The following KIF26A variants were observed in gnomAD, a reference collection of about 807,000 sequenced individuals.
The protein encoded by KIF26A is kinesin family member 26A, also known as kinesin-like protein KIF26A.
A neutral mutation model predicts 126.0 loss-of-function variants in KIF26A; 74 were observed. That is an observed-to-expected ratio of 0.59 (90% CI 0.49 to 0.71). KIF26A has a LOEUF of 0.71. Ranked by LOEUF, KIF26A falls within the 30% of genes least tolerant of loss-of-function variation. The pLI is 0.00. For synonymous variants in KIF26A, 1,445 were observed against 1,232.7 expected, an observed-to-expected ratio of 1.17 and a Z score of -3.61; for missense variants, 2,984 against 2,763.3, an observed-to-expected ratio of 1.08 and a Z score of -1.79.
Position 104,179,868 on chromosome 14 carries a change from G to A in KIF26A, c.*78G>A. 2 of 1,357,380 alleles carry A rather than the reference G, an allele frequency of 1.5e-6. No homozygotes were observed. Among genetic ancestry groups the A allele is most frequent in the Admixed American group, 2.6e-5 (1 of 39,042 alleles). 84.1% of individuals were successfully genotyped at this position (1,357,380 alleles called of 1,614,324 possible). On this transcript the variant is annotated 3_prime_UTR_variant, in exon 15 of 15. Coordinates refer to ENST00000423312, the MANE Select transcript of KIF26A (RefSeq NM_015656.2). ...GTGGGACGGAGCGAGGATGTGGTGG[G>A]GGCTGCGGGGGGAGGATGCGGAGGG...
rs1413131281 is a variant in KIF26A at position 104,173,729 on chromosome 14, C to T, written c.1891C>T (p.His631Tyr). The change falls in exon 10 of 15, where the codon CAC becomes TAC. Residue 631 changes from histidine (H) to tyrosine (Y), a missense_variant. Coordinates refer to ENST00000423312, the MANE Select transcript of KIF26A (RefSeq NM_015656.2). ...GGMSGGRSRL[H>Y]LIDLGSCEAA... is the part of the protein sequence containing the mutation. ...AGTGTCCGGAGGCCGCAGCCGCCTG[C>T]ACCTCATCGACCTGGGCAGCTGTGA... The T allele has an allele frequency of 3.1e-6, 5 of 1,611,350 alleles. No individual in the cohort carries two copies. Among genetic ancestry groups the T allele is most frequent in the South Asian group, 1.1e-5 (1 of 90,980 alleles).
At position 104,152,216 on chromosome 14, in the gene KIF26A, CCCAGCACCACGA is replaced by C. The variant is rs770701259; in HGVS notation, c.496_507del (p.Thr166_Ser169del). The stretch of plus-strand genomic sequence containing the variant: ...CCATGGAGGCCCCAGCCTCGCACCC[CCCAGCACCACGA>C]CCAGCTCGAGGGACACGCCAGGACC... On this transcript the variant is annotated inframe_deletion, in exon 3 of 15. Transcript: ENST00000423312. This position sits in a 1 kb window ranked among gnomAD's most constrained non-coding sequence, Gnocchi z 5.9. 3.7e-6 allele frequency: 6 copies of C among 1,601,676 alleles called. No homozygotes were observed. The South Asian group carries it at 4.5e-5, about 12-fold the overall frequency.
At chr14:104,147,458 A>C (rs1387428373) in intron 2 of KIF26A, among the ~76,000 whole-genome samples, 2 of 152,192 alleles carry the variant, frequency 1.3e-5, no homozygotes, top group African/African-American at 4.8e-5. Flanking sequence ...TCAGAGCTGC[A>C]GACCCACAGG....
At chr14:104,166,679 C>G (rs1267236929) in intron 4 of KIF26A, among the ~76,000 whole-genome samples, 180 bp from the exon 5 acceptor site, 1 of 152,148 alleles carries the variant, frequency 6.6e-6, no homozygotes, top group African/African-American at 2.4e-5. Flanking sequence ...CATGGAGGCC[C>G]CAGCCTGAAC....
In KIF26A at chr14:104,176,820, G is replaced by T; in HGVS notation, c.4032G>T (p.Lys1344Asn). 6.4e-7 allele frequency: 1 copy of T among 1,556,370 alleles called. No individual in the cohort carries two copies. ...TGAAGGCCTCCCCCACCAGCAAGAAGGGTCTGGCTCCCAAGGCGGGCTTCC... is the reference window on the plus strand; with the variant it reads ...TGAAGGCCTCCCCCACCAGCAAGAATGGTCTGGCTCCCAAGGCGGGCTTCC... The part of the protein sequence containing the change: ...GSLKASPTSK[K>N]GLAPKAGFLP... The change falls in exon 12 of 15, where the codon AAG (lysine) becomes AAT (asparagine). Residue 1344 changes from lysine to asparagine, a missense_variant. Physicochemically the swap from Lys to Asn is moderately conservative, Grantham distance 94 (BLOSUM62 0). Transcript: ENST00000423312.
At position 104,176,133 on chromosome 14, in the gene KIF26A, C is replaced by G. The variant is rs751429424; in HGVS notation, c.3345C>G (p.Ser1115Arg). 1.3e-6 allele frequency: 2 copies of G among 1,580,296 alleles called. No homozygotes were observed. The highest frequency in any genetic ancestry group is 1.7e-6 in the Non-Finnish European group (2 of 1,164,150). The part of the protein sequence containing the change: ...SHGSSISSWL[S>R]EVSVCTADSR... ...GCTCCTCCATCAGCTCCTGGCTCAG[C>G]GAGGTCAGCGTCTGCACTGCCGACA... is the stretch of plus-strand genomic sequence containing the variant. The change falls in exon 12 of 15, where the codon AGC (serine) becomes AGG (arginine). Residue 1115 changes from serine to arginine, a missense_variant. Physicochemically the swap from Ser to Arg is moderately radical, Grantham distance 110 (BLOSUM62 -1). Transcript: ENST00000423312.
chr14:104,180,672 C>T lies in KIF26A; in HGVS notation c.*882C>T, dbSNP rs1010869381. 10 of 154,018 alleles carry T rather than the reference C, an allele frequency of 6.5e-5. No homozygotes were observed. The Admixed American group carries it at 6.5e-4, about 10-fold the overall frequency. The allele number at this position is 154,018 out of a possible 1,614,324, so 9.5% of individuals were successfully genotyped here. A position where few individuals can be genotyped will look rare whatever the true frequency, so the allele number is the denominator to read the frequency against. On this transcript the variant is annotated 3_prime_UTR_variant, in exon 15 of 15. Transcript: ENST00000423312. ...GCTCTCTCCAGCTGTGGGAGGCCTG[C>T]TCCCTCTGGGGGGCACCCTGGGCAG... is the stretch of plus-strand genomic sequence containing the variant.
Position 104,176,024 on chromosome 14 carries a change from T to G in KIF26A, c.3236T>G (p.Ile1079Ser). 1 of 1,593,492 alleles carries G rather than the reference T, an allele frequency of 6.3e-7. No homozygotes were observed. Among genetic ancestry groups the G allele is most frequent in the Non-Finnish European group, 8.5e-7 (1 of 1,175,426 alleles). ...GSRPVSIISS[I>S]NDEFDAYTSQ... is the part of the protein sequence containing the mutation. ...CGGCCAGTCAGCATCATCAGCAGCA[T>G]CAATGATGAGTTTGACGCCTACACC... The change falls in exon 12 of 15, where the codon ATC becomes AGC. Residue 1079 changes from isoleucine (I) to serine (S), a missense_variant. Coordinates refer to ENST00000423312, the MANE Select transcript of KIF26A (RefSeq NM_015656.2).
At chr14:104,141,033 A>G (rs74087173) in intron 2 of KIF26A, among the ~76,000 whole-genome samples, 2,646 of 152,254 alleles carry the variant, frequency 0.017, 67 homozygotes, top group African/African-American at 0.061. Flanking sequence ...GGGGGGCTGC[A>G]CCTGCCATCC....
chr14:104,141,407 G>C (rs1279369914), intron 2 of KIF26A, among the ~76,000 whole-genome samples: 1 of 152,244 alleles, frequency 6.6e-6, no homozygotes, highest in Admixed American at 6.5e-5. Flanking sequence ...TCATCCATCT[G>C]TCTCATGCTT....
At position 104,175,879 on chromosome 14, in the gene KIF26A, G is replaced by C. The variant is rs773949182; in HGVS notation, c.3091G>C (p.Glu1031Gln). 1 of 1,541,074 alleles carries C rather than the reference G, an allele frequency of 6.5e-7. No individual in the cohort carries two copies. The highest frequency in any genetic ancestry group is 1.9e-5 in the Admixed American group (1 of 51,474). ...QRPVELNGED[E>Q]LVFTVVEELS... is the part of the protein sequence containing the mutation. The stretch of plus-strand genomic sequence containing the variant: ...GCCAGTGGAGCTCAACGGCGAGGAC[G>C]AGCTGGTGTTCACGGTGGTGGAGGA... The change falls in exon 12 of 15, where the codon GAG (glutamate) becomes CAG (glutamine). Residue 1031 changes from glutamate (E) to glutamine (Q), a missense_variant. Glu to Gln is a conservative substitution (Grantham distance 29). Coordinates refer to ENST00000423312, the MANE Select transcript of KIF26A (RefSeq NM_015656.2).
Position 104,179,945 on chromosome 14 carries a change from A to G in KIF26A, c.*155A>G. On this transcript the variant is annotated 3_prime_UTR_variant, in exon 15 of 15. Coordinates refer to ENST00000423312, the MANE Select transcript of KIF26A (RefSeq NM_015656.2). ...AGAGGAGACGGAGTGTGGGGGAGGG[A>G]GGGCCGGCCACGCGGTGGACAGAGC... The G allele has an allele frequency of 1.2e-6, 1 of 802,838 alleles. No individual in the cohort carries two copies. Among genetic ancestry groups the G allele is most frequent in the Non-Finnish European group, 1.9e-6 (1 of 536,452 alleles). 49.7% of individuals were successfully genotyped at this position (802,838 alleles called of 1,614,324 possible).
chr14:104,139,082 C>T lies in KIF26A; in HGVS notation c.82C>T (p.Leu28=), dbSNP rs866398132. Residue 28 remains leucine (L), a synonymous_variant, in exon 2 of 15, where the codon CTG becomes TTG. Transcript: ENST00000423312. ...GGPAREPPPL[L]EVSPRKRLPA... ...CCCGGCCCGCGAGCCGCCGCCGCTGCTGGAGGTGTCCCCCCGAAAGAGGCT... is the reference window on the plus strand; with the variant it reads ...CCCGGCCCGCGAGCCGCCGCCGCTGTTGGAGGTGTCCCCCCGAAAGAGGCT... 8.4e-6 allele frequency: 12 copies of T among 1,435,796 alleles called. No individual in the cohort carries two copies. The highest frequency in any genetic ancestry group is 2.4e-4 in the Middle Eastern group (1 of 4,098). The allele number at this position is 1,435,796 out of a possible 1,614,324, so 88.9% of individuals were successfully genotyped here.
In KIF26A at chr14:104,166,905, C is replaced by G. The variant is rs1300246990; in HGVS notation, c.970C>G (p.Pro324Ala). The change falls in exon 5 of 15, where the codon CCG (proline) becomes GCG (alanine). Residue 324 changes from proline (P) to alanine (A), a missense_variant. Pro to Ala is a conservative substitution (Grantham distance 27). Transcript: ENST00000423312. ...SLASKRKKPHPPPPPATRGTS... is the reference protein window; with the variant it reads ...SLASKRKKPHAPPPPATRGTS... ...GGCCTCCAAGAGGAAGAAGCCCCACCCGCCACCGCCTCCAGCCACCCGCGG... is the reference window on the plus strand; with the variant it reads ...GGCCTCCAAGAGGAAGAAGCCCCACGCGCCACCGCCTCCAGCCACCCGCGG... 8 of 1,590,580 alleles carry G rather than the reference C, an allele frequency of 5.0e-6. No homozygotes were observed. The highest frequency in any genetic ancestry group is 6.8e-6 in the Non-Finnish European group (8 of 1,169,880).
In KIF26A at chr14:104,174,192, C is replaced by A; in HGVS notation, c.2075C>A (p.Ala692Asp). ...CTGCTGCGTGAATCCCTGGCCACCG[C>A]TGGCTGCCGCACCACCATGATCGCC... Reference protein sequence around the residue: ...TMLLRESLATAGCRTTMIAHV... With the variant: ...TMLLRESLATDGCRTTMIAHV... Residue 692 changes from alanine (A) to aspartate (D), a missense_variant, in exon 11 of 15, where the codon GCT becomes GAT. Physicochemically the swap from Ala to Asp is moderately radical, Grantham distance 126. Transcript: ENST00000423312. The A allele has an allele frequency of 6.3e-7, 1 of 1,588,882 alleles. No individual in the cohort carries two copies. Among genetic ancestry groups the A allele is most frequent in the Non-Finnish European group, 8.6e-7 (1 of 1,168,108 alleles).
In KIF26A at chr14:104,166,935, T is replaced by A; in HGVS notation, c.1000T>A (p.Ser334Thr). ...ACCGCCTCCAGCCACCCGCGGCACC[T>A]CCACCTACCCCACCGACTTCAGCGG... ...PPPPPATRGT[S>T]TYPTDFSGVL... The change falls in exon 5 of 15, where the codon TCC becomes ACC. Residue 334 changes from serine to threonine, a missense_variant. Physicochemically the swap from Ser to Thr is moderately conservative, Grantham distance 58 (BLOSUM62 1). Coordinates refer to ENST00000423312, the MANE Select transcript of KIF26A (RefSeq NM_015656.2). 6.3e-7 allele frequency: 1 copy of A among 1,593,824 alleles called. No individual in the cohort carries two copies. Among genetic ancestry groups the A allele is most frequent in the Non-Finnish European group, 8.5e-7 (1 of 1,171,334 alleles).
intron 14 of KIF26A, 96 bp downstream of exon 14, chr14:104,179,482 G>A (rs2038076658): frequency 1.4e-6 from 2 of 1,426,852 alleles, no homozygotes; most frequent in Non-Finnish European, 1.8e-6. Context: ...TGTACCTCGT[G>A]GTGGGAAGGC....
intron 3 of KIF26A, among the ~76,000 whole-genome samples, chr14:104,153,568 C>T (rs1240681684): frequency 8.5e-6 from 1 of 117,640 alleles, no homozygotes; most frequent in East Asian, 2.8e-4. Context: ...GAACCCCACC[C>T]TTGCCACGAG....
Position 104,175,828 on chromosome 14 carries a change from C to T in KIF26A, c.3040C>T (p.Leu1014Phe). 4 of 1,538,718 alleles carry T rather than the reference C, an allele frequency of 2.6e-6. No individual in the cohort carries two copies. The highest frequency in any genetic ancestry group is 1.7e-6 in the Non-Finnish European group (2 of 1,147,110). The change falls in exon 12 of 15, where the codon CTC becomes TTC. Residue 1014 changes from leucine to phenylalanine, a missense_variant. Transcript: ENST00000423312. ...AGSRCPERGL[L>F]TTTVTLQRPV... ...CAGTCGCTGTCCGGAGCGGGGCCTGCTCACCACCACAGTGACCCTGCAGCG... is the reference window on the plus strand; with the variant it reads ...CAGTCGCTGTCCGGAGCGGGGCCTGTTCACCACCACAGTGACCCTGCAGCG...
Sources: gnomAD v4.1 joint callset for allele counts (sites outside exome capture counted in the v4.1 genomes callset) on GRCh38, gnomAD v4.1.1 for gene constraint, Gnocchi (gnomAD v3.1) non-coding constraint, MANE v1.5 for transcripts, NCBI Gene and HGNC (gene_info 2026-07-23, HGNC 2026-07-21) for gene names.